Variants in UNC13C observed in about 807,000 individuals in gnomAD.
UNC13C encodes protein unc-13 homolog C.
Under a neutral mutation model 245.4 loss-of-function variants are expected in UNC13C, and 174 were observed. The observed-to-expected ratio is 0.71, with a 90% CI of 0.63 to 0.80. UNC13C has a LOEUF of 0.80. UNC13C is among the 30% of genes least tolerant of loss of function. UNC13C has a pLI of 0.00. For synonymous variants in UNC13C, 992 were observed against 895.1 expected, an observed-to-expected ratio of 1.11 and a Z score of -1.93; for missense variants, 2,829 against 2,602.9, an observed-to-expected ratio of 1.09 and a Z score of -1.89.
intron 19 of UNC13C, among the ~76,000 whole-genome samples, chr15:54,440,084 GT>G (rs1890434456): frequency 6.6e-6 from 1 of 151,804 alleles, no homozygotes. Flanking sequence ...TGGGGGGTGG[GT>G]TCCCCCATGC....
At chr15:54,098,113 G>A (rs529769013) in intron 2 of UNC13C, among the ~76,000 whole-genome samples, 1 of 152,300 alleles carries the variant, frequency 6.6e-6, no homozygotes, top group South Asian at 2.1e-4. Context: ...CCATTCTGGG[G>A]ATGGGATAGC....
chr15:54,405,495 G>T (rs1221361628), intron 18 of UNC13C, among the ~76,000 whole-genome samples: 1 of 152,056 alleles, frequency 6.6e-6, no homozygotes, highest in Admixed American at 6.6e-5. Context: ...TTTAAATAAT[G>T]ATTTGATACT....
intron 4 of UNC13C, among the ~76,000 whole-genome samples, chr15:54,198,391 G>C (rs769941777): frequency 1.3e-5 from 2 of 152,226 alleles, no homozygotes; most frequent in South Asian, 4.1e-4. Context: ...CTCCTGGCTA[G>C]AGGCCAATCA....
chr15:54,364,731 C>T (rs2039323078), intron 17 of UNC13C, among the ~76,000 whole-genome samples: 1 of 152,078 alleles, frequency 6.6e-6, no homozygotes, highest in Non-Finnish European at 1.5e-5. Context: ...TTATGATATT[C>T]CCATTAAATG....
intron 24 of UNC13C, among the ~76,000 whole-genome samples, chr15:54,514,306 A>G (rs1038262840): frequency 2.6e-5 from 4 of 152,212 alleles, no homozygotes; most frequent in Admixed American, 1.3e-4. Context: ...TAAAAGTTAT[A>G]CAATGTGTTC....
the UNC13C span, among the ~76,000 whole-genome samples, chr15:53,839,334 C>T: frequency 2.0e-5 from 3 of 152,016 alleles, no homozygotes; most frequent in Non-Finnish European, 4.4e-5. Context: ...TTCACAGTTA[C>T]GTGTCTCTGC....
At chr15:54,099,034 G>A (rs74663990) in intron 2 of UNC13C, among the ~76,000 whole-genome samples, 4,511 of 152,272 alleles carry the variant, frequency 0.03, 224 homozygotes, top group African/African-American at 0.1. Flanking sequence ...ATTCTCCTGA[G>A]AGAAAACTTA....
Position 54,151,548 on chromosome 15 carries a change from G to A in UNC13C, c.3071+7864G>A, listed in dbSNP as rs1897063. ...CTCCCGAGTAGATGGGATTACAGGC[G>A]CGTGCCATCATGCCTGGCTAATTTT... On this transcript the variant is annotated intron_variant, in intron 4 of 32. Transcript: ENST00000260323. Among the ~76,000 whole-genome samples the A allele has an allele frequency of 9.9e-3, 1,501 of 152,162 alleles. 53 individuals carry two copies. The highest frequency in any genetic ancestry group is 0.087 in the East Asian group (447 of 5,156).
chr15:54,452,133 A>G (rs116437697), intron 19 of UNC13C, among the ~76,000 whole-genome samples: 170 of 152,344 alleles, frequency 1.1e-3, no homozygotes, highest in African/African-American at 3.9e-3. Flanking sequence ...CACCTGGGTG[A>G]GTCCTCAGAC....
intron 2 of UNC13C, chr15:54,049,178 T>C: frequency 2.2e-6 from 1 of 445,490 alleles, no homozygotes; most frequent in Non-Finnish European, 4.4e-6. Context: ...TTCCAGTTGA[T>C]ACCTTGAAGA....
intron 1 of UNC13C, among the ~76,000 whole-genome samples, chr15:53,992,567 G>A (rs1894439629): frequency 6.6e-6 from 1 of 152,080 alleles, no homozygotes; most frequent in Admixed American, 6.6e-5. Flanking sequence ...AAGAGTTTCA[G>A]ATGAATTAAC....
At chr15:54,494,325 AT>A (rs1421393185) in intron 19 of UNC13C, among the ~76,000 whole-genome samples, 1 of 152,166 alleles carries the variant, frequency 6.6e-6, no homozygotes, top group East Asian at 1.9e-4. Context: ...AAATTTTAGT[AT>A]GTTATTACTC....
At chr15:53,959,182 G>C in the UNC13C span, among the ~76,000 whole-genome samples, 1 of 151,760 alleles carries the variant, frequency 6.6e-6, no homozygotes, top group African/African-American at 2.4e-5. Context: ...GTTTTTATCT[G>C]TTCATCCTTT....
chr15:54,341,125 C>T (rs572632957), intron 17 of UNC13C, among the ~76,000 whole-genome samples: 25 of 152,212 alleles, frequency 1.6e-4, no homozygotes, highest in African/African-American at 6.0e-4. Flanking sequence ...AAAAGAAAAT[C>T]AGTTTTTCTA....
At chr15:53,873,939 C>T in the UNC13C span, among the ~76,000 whole-genome samples, 249 of 138,356 alleles carry the variant, frequency 1.8e-3, no homozygotes, top group Non-Finnish European at 2.4e-3. Flanking sequence ...TTCCTTCCTT[C>T]CTTCCTTCCT....
the UNC13C span, among the ~76,000 whole-genome samples, chr15:53,963,014 A>AT: frequency 1.3e-5 from 2 of 152,256 alleles, no homozygotes; most frequent in Admixed American, 1.3e-4. Flanking sequence ...CGACTGCATG[A>AT]TTTTTTCACA....
the UNC13C span, among the ~76,000 whole-genome samples, chr15:53,867,867 G>A: frequency 3.3e-5 from 5 of 152,116 alleles, no homozygotes; most frequent in Admixed American, 1.3e-4. Context: ...ATCTTGCTCT[G>A]TCACCCAGGC....
chr15:53,988,802 A>C (rs1018026674), intron 1 of UNC13C, among the ~76,000 whole-genome samples: 3 of 151,940 alleles, frequency 2.0e-5, no homozygotes, highest in African/African-American at 7.2e-5. Context: ...TGTTCATTCC[A>C]TTCTTAGAGG....
the UNC13C span, among the ~76,000 whole-genome samples, chr15:53,843,581 A>G: frequency 6.6e-6 from 1 of 152,054 alleles, no homozygotes; most frequent in South Asian, 2.1e-4. Context: ...AGGAGGGACC[A>G]GTGGGTGAGA....
Sources: allele counts gnomAD v4.1 joint callset (sites outside exome capture counted in the v4.1 genomes callset), GRCh38; gene constraint gnomAD v4.1.1; transcripts MANE v1.5; gene names NCBI Gene and HGNC (gene_info 2026-07-23, HGNC 2026-07-21).